Variants in CYP2A6 observed in about 807,000 individuals in gnomAD.
CYP2A6 encodes cytochrome P450 family 2 subfamily A member 6.
Under a neutral mutation model 42.3 loss-of-function variants are expected in CYP2A6, and 27 were observed. The observed-to-expected ratio is 0.64, with a 90% CI of 0.47 to 0.88. The LOEUF (loss-of-function observed/expected upper bound fraction) is 0.88, where lower values mean the gene tolerates loss of function less well. CYP2A6 is among the 40% of genes least tolerant of loss of function. The pLI is 0.00. For missense variants in CYP2A6, 628 were observed against 646.0 expected, an observed-to-expected ratio of 0.97 and a Z score of 0.30; for synonymous variants, 238 against 246.3, an observed-to-expected ratio of 0.97 and a Z score of 0.31.
At chr19:40,847,200 C>T (rs1967116821) in intron 4 of CYP2A6, 149 bp from the exon 5 acceptor site, 2 of 1,274,602 alleles carry the variant, frequency 1.6e-6, no homozygotes, top group Non-Finnish European at 2.1e-6. Context: ...CGGATAGGAA[C>T]TTATATCTAA....
At position 40,850,359 on chromosome 19, in the gene CYP2A6, A is replaced by G. The variant is rs1967199498; in HGVS notation, c.68T>C (p.Val23Ala). 1.9e-6 allele frequency: 3 copies of G among 1,610,200 alleles called. No homozygotes were observed. The highest frequency in any genetic ancestry group is 2.5e-6 in the Non-Finnish European group (3 of 1,178,872). The change falls in exon 1 of 9, where the codon GTT becomes GCT. Residue 23 changes from valine (V) to alanine (A), a missense_variant. By Grantham distance (64) the Val-to-Ala change is moderately conservative. Transcript: ENST00000301141. ...VCLTVMVLMS[V>A]WQQRKSKGKL... Reference sequence around the variant, plus strand: ...CCCCTTGCTCTTCCTCTGCTGCCAAACAGACATCAAGACCATTACAGTCAG... The same window carrying G: ...CCCCTTGCTCTTCCTCTGCTGCCAAGCAGACATCAAGACCATTACAGTCAG...
At position 40,848,728 on chromosome 19, in the gene CYP2A6, G is replaced by T; in HGVS notation, c.379C>A (p.Leu127Ile). 1 of 1,611,762 alleles carries T rather than the reference G, an allele frequency of 6.2e-7. No individual in the cohort carries two copies. Among genetic ancestry groups the T allele is most frequent in the Non-Finnish European group, 8.5e-7 (1 of 1,179,870 alleles). ...VFSNGERAKQ[L>I]RRFSIATLRD... Reference sequence around the variant, plus strand: ...AGGGTGGCGATGGAGAAGCGCCGGAGCTGCTTGGCGCGCTCCCCGTTGCTG... The same window carrying T: ...AGGGTGGCGATGGAGAAGCGCCGGATCTGCTTGGCGCGCTCCCCGTTGCTG... The change falls in exon 3 of 9, where the codon CTC becomes ATC. Residue 127 changes from leucine (L) to isoleucine (I), a missense_variant. Physicochemically the swap from Leu to Ile is conservative, Grantham distance 5. Coordinates refer to ENST00000301141, the MANE Select transcript of CYP2A6 (RefSeq NM_000762.6).
chr19:40,846,368 T>C (rs528152143), intron 5 of CYP2A6, among the ~76,000 whole-genome samples: 19 of 150,964 alleles, frequency 1.3e-4, no homozygotes, highest in Admixed American at 9.8e-4. Context: ...TTTTTTCTTA[T>C]ACTGACTTGG....
chr19:40,845,186 T>A lies in CYP2A6; in HGVS notation c.1161+108A>T, dbSNP rs542707063. 5.2e-4 allele frequency: 737 copies of A among 1,417,922 alleles called. 24 individuals are homozygous for A. The South Asian group carries it at 8.2e-3, about 16-fold the overall frequency. 87.8% of individuals were successfully genotyped at this position (1,417,922 alleles called of 1,614,324 possible). A position where few individuals can be genotyped will look rare whatever the true frequency, so the allele number is the denominator to read the frequency against. Reference sequence around the variant, plus strand: ...GGTTGGGGAAGTCTTTTTTGACTGATTGAGGGAGTGGGACAGGGTCTAGAA... The same window carrying A: ...GGTTGGGGAAGTCTTTTTTGACTGAATGAGGGAGTGGGACAGGGTCTAGAA... On this transcript the variant is annotated intron_variant, in intron 7 of 8. Transcript: ENST00000301141.
At chr19:40,848,496 G>C in intron 3 of CYP2A6, 117 bp from the exon 4 acceptor site, 3 of 1,578,712 alleles carry the variant, frequency 1.9e-6, no homozygotes, top group Non-Finnish European at 1.7e-6. Flanking sequence ...CAGACTCCAG[G>C]GCTGGAAGTG....
intron 7 of CYP2A6, chr19:40,845,038 A>G: frequency 1.6e-6 from 1 of 644,724 alleles, no homozygotes; most frequent in Non-Finnish European, 2.6e-6. Flanking sequence ...GCCGAATGGA[A>G]AGGGGGCTTC....
intron 5 of CYP2A6, 63 bp downstream of exon 5, chr19:40,846,812 A>G (rs1322943841): frequency 6.3e-7 from 1 of 1,587,292 alleles, no homozygotes; most frequent in Non-Finnish European, 8.6e-7. Flanking sequence ...TGCCTGCCCC[A>G]CTCCCAGACT....
chr19:40,844,632 G>A lies in CYP2A6; in HGVS notation c.1302C>T (p.Ile434=), dbSNP rs151062237. 5.6e-6 allele frequency: 9 copies of A among 1,611,516 alleles called. No individual in the cohort carries two copies. Among genetic ancestry groups the A allele is most frequent in the African/African-American group, 1.3e-5 (1 of 74,720 alleles). ...TGGCAGCAAACAGTGGTCTCTTACC[G>A]ATGGAAAAGGGCACAAAAGCATCAC... ...KKSDAFVPFS[I]GKRNCFGEGL... The change falls in exon 8 of 9, where the codon ATC becomes ATT. Residue 434 remains isoleucine (I), a splice_region_variant and synonymous_variant. Coordinates refer to ENST00000301141, the MANE Select transcript of CYP2A6 (RefSeq NM_000762.6).
At chr19:40,845,080 T>A (rs2083448824) in intron 7 of CYP2A6, 2 of 663,694 alleles carry the variant, frequency 3.0e-6, no homozygotes, top group Non-Finnish European at 5.1e-6. Flanking sequence ...TGGGAACATG[T>A]GTTTGATTCT....
In CYP2A6 at chr19:40,845,488, G is replaced by A. The variant is rs188167379; in HGVS notation, c.974-7C>T. On this transcript the variant is annotated splice_region_variant and splice_polypyrimidine_tract_variant and intron_variant, in intron 6 of 8. Coordinates refer to ENST00000301141, the MANE Select transcript of CYP2A6 (RefSeq NM_000762.6). Reference sequence around the variant, plus strand: ...ATCTCCTCATGGACCTTGGCTGGGGGAGGAGGGGGAATGTGTTTAGGTATC... The same window carrying A: ...ATCTCCTCATGGACCTTGGCTGGGGAAGGAGGGGGAATGTGTTTAGGTATC... The A allele has an allele frequency of 2.9e-5, 47 of 1,611,384 alleles. No individual in the cohort carries two copies. Among genetic ancestry groups the A allele is most frequent in the Middle Eastern group, 1.7e-4 (1 of 6,056 alleles).
Position 40,849,715 on chromosome 19 carries a change from T to C in CYP2A6, c.343+103A>G, listed in dbSNP as rs559599283. ...GGGGAGGGAAGACCAGACTGGGGAC[T>C]CTGCCTTAGCCTCCAGTTGGCAGGA... On this transcript the variant is annotated intron_variant, in intron 2 of 8. Coordinates refer to ENST00000301141, the MANE Select transcript of CYP2A6 (RefSeq NM_000762.6). 95 of 1,562,368 alleles carry C rather than the reference T, an allele frequency of 6.1e-5. 2 individuals are homozygous for C. In the South Asian group the frequency reaches 1.1e-3, roughly 18 times the overall value.
intron 3 of CYP2A6, 69 bp from the exon 4 acceptor site, chr19:40,848,448 C>A: frequency 6.2e-7 from 1 of 1,602,078 alleles, no homozygotes; most frequent in Non-Finnish European, 8.5e-7. Flanking sequence ...AGTCAGAATT[C>A]CAGGAGGCAG....
chr19:40,846,409 C>T (rs1378312421), intron 5 of CYP2A6, among the ~76,000 whole-genome samples: 1 of 150,850 alleles, frequency 6.6e-6, no homozygotes, highest in African/African-American at 2.4e-5. Context: ...CGGACTCCAA[C>T]TCCTGAGCTC....
chr19:40,847,510 G>A (rs1340345616), intron 4 of CYP2A6, among the ~76,000 whole-genome samples: 2 of 151,480 alleles, frequency 1.3e-5, no homozygotes, highest in Admixed American at 6.6e-5. Flanking sequence ...CAGGTGCTCA[G>A]GTATTAAAGT....
In CYP2A6 at chr19:40,850,340, G is replaced by A. The variant is rs370019771; in HGVS notation, c.87C>T (p.Ser29=). The change falls in exon 1 of 9, where the codon AGC becomes AGT. Residue 29 remains serine, a synonymous_variant. Transcript: ENST00000301141. ...TGGGTCCCGGAGGCAGCTTCCCCTT[G>A]CTCTTCCTCTGCTGCCAAACAGACA... is the stretch of plus-strand genomic sequence containing the variant. ...VLMSVWQQRK[S]KGKLPPGPTP... The A allele has an allele frequency of 1.9e-6, 3 of 1,610,120 alleles. No homozygotes were observed. The highest frequency in any genetic ancestry group is 2.7e-5 in the African/African-American group (2 of 74,658).
rs1401038457 is a variant in CYP2A6, at chr19:40,843,783, G to C, written c.*13C>G. The C allele has an allele frequency of 1.9e-6, 3 of 1,600,302 alleles. No individual in the cohort carries two copies. Among genetic ancestry groups the C allele is most frequent in the Admixed American group, 1.7e-5 (1 of 57,904 alleles). ...GGCCCCGCCCACCAGACCTGCACCG[G>C]CACAGCCCTCGCTCAGCGGGGCAGG... On this transcript the variant is annotated 3_prime_UTR_variant, in exon 9 of 9. Coordinates refer to ENST00000301141, the MANE Select transcript of CYP2A6 (RefSeq NM_000762.6).
At position 40,846,352 on chromosome 19, in the gene CYP2A6, G is replaced by T. The variant is rs1357469950; in HGVS notation, c.832-255C>A. On this transcript the variant is annotated intron_variant, in intron 5 of 8. Transcript: ENST00000301141. ...TCAACTTAGCTGTCAGTTTTTTTTT[G>T]TTTTTTTTTTTCTTATACTGACTTG... Among the ~76,000 whole-genome samples, 797 of 144,108 alleles carry T rather than the reference G, an allele frequency of 5.5e-3. 16 individuals are homozygous for T. The highest frequency in any genetic ancestry group is 0.018 in the African/African-American group (714 of 39,240). The allele number at this position is 144,108 out of a possible 152,430, so 94.5% of individuals were successfully genotyped here. A position where few individuals can be genotyped will look rare whatever the true frequency, so the allele number is the denominator to read the frequency against.
chr19:40,848,531 C>G, intron 3 of CYP2A6, 83 bp downstream of exon 3: 4 of 1,588,938 alleles, frequency 2.5e-6, no homozygotes, highest in Non-Finnish European at 3.4e-6. Flanking sequence ...CACCTAGTCC[C>G]CATCCCCAGG....
intron 2 of CYP2A6, among the ~76,000 whole-genome samples, chr19:40,849,070 G>GAGAGAA (rs1967172645): frequency 6.9e-6 from 1 of 144,502 alleles, no homozygotes; most frequent in Non-Finnish European, 1.5e-5. Flanking sequence ...GAGAGAGAGA[G>GAGAGAA]AGAGAGAGAG....
Sources: allele counts gnomAD v4.1 joint callset (sites outside exome capture counted in the v4.1 genomes callset), GRCh38; gene constraint gnomAD v4.1.1; transcripts MANE v1.5; gene names NCBI Gene and HGNC (gene_info 2026-07-23, HGNC 2026-07-21).